The following HS3ST5 variants were observed in gnomAD, a reference collection of about 807,000 sequenced individuals.
The protein encoded by HS3ST5 is heparan sulfate glucosamine 3-O-sulfotransferase 5.
A neutral mutation model predicts 25.4 loss-of-function variants in HS3ST5; 10 were observed. The ratio of observed to expected loss-of-function variants is 0.39; its 90% CI spans 0.24 to 0.67. The LOEUF is 0.67. HS3ST5 is among the 30% of genes least tolerant of loss of function. The pLI is 0.44. For synonymous variants in HS3ST5, 170 were observed against 162.4 expected (o/e 1.05, Z -0.36); for missense variants, 324 against 420.7 (o/e 0.77, Z 2.01).
At chr6:114,100,388 T>C (rs966196294) in intron 3 of HS3ST5, among the ~76,000 whole-genome samples, 2 of 152,162 alleles carry the variant, frequency 1.3e-5, no homozygotes, top group African/African-American at 2.4e-5. Flanking sequence ...ATTTCACTCA[T>C]AGACGAGCAG....
At chr6:114,097,233 G>T (rs1021663923) in intron 3 of HS3ST5, among the ~76,000 whole-genome samples, 1 of 151,722 alleles carries the variant, frequency 6.6e-6, no homozygotes, top group Non-Finnish European at 1.5e-5. Flanking sequence ...AGAATATACA[G>T]AATAAAGCTT....
intron 3 of HS3ST5, among the ~76,000 whole-genome samples, chr6:114,073,821 A>C (rs1468597518): frequency 1.3e-5 from 2 of 152,256 alleles, no homozygotes; most frequent in Non-Finnish European, 2.9e-5. Flanking sequence ...ATTATAAATC[A>C]TGCTACTATA....
intron 3 of HS3ST5, among the ~76,000 whole-genome samples, chr6:114,161,567 ATATATAT>A (rs1396340098): frequency 2.9e-5 from 3 of 103,550 alleles, no homozygotes; most frequent in Non-Finnish European, 4.0e-5. Flanking sequence ...ATATATATAT[ATATATAT>A]AAAATGCAAT....
intron 4 of HS3ST5, 30 bp downstream of exon 4, chr6:114,062,708 AG>A (rs769366331): frequency 8.0e-6 from 11 of 1,367,298 alleles, no homozygotes; most frequent in African/African-American, 2.9e-5. Flanking sequence ...TTAATGTCAC[AG>A]GGGTATAAGC....
intron 3 of HS3ST5, among the ~76,000 whole-genome samples, chr6:114,083,582 T>C (rs1774590249): frequency 6.6e-6 from 1 of 152,234 alleles, no homozygotes; most frequent in African/African-American, 2.4e-5. Context: ...ATTCATACTT[T>C]GAAAGCAATC....
chr6:114,180,507 G>C (rs144960205), intron 2 of HS3ST5, among the ~76,000 whole-genome samples: 10 of 152,192 alleles, frequency 6.6e-5, no homozygotes, highest in South Asian at 2.1e-4. Flanking sequence ...TGGTAGCTAG[G>C]GGCTCTCAGG....
chr6:114,267,282 C>T (rs1333092663), intron 1 of HS3ST5, among the ~76,000 whole-genome samples: 1 of 152,198 alleles, frequency 6.6e-6, no homozygotes, highest in Non-Finnish European at 1.5e-5. Flanking sequence ...TAAAGGGGAT[C>T]AATTTCCACT....
At chr6:114,250,391 C>T (rs1044439105) in intron 1 of HS3ST5, among the ~76,000 whole-genome samples, 9 of 152,094 alleles carry the variant, frequency 5.9e-5, no homozygotes, top group Non-Finnish European at 1.3e-4. Flanking sequence ...ACCATCCTGG[C>T]TAACACGGTG....
chr6:114,080,346 CAT>C (rs753093513), intron 3 of HS3ST5, among the ~76,000 whole-genome samples: 17 of 152,280 alleles, frequency 1.1e-4, no homozygotes, highest in Non-Finnish European at 2.1e-4. Flanking sequence ...GATATTTACA[CAT>C]ATGTTTAAAA....
chr6:114,138,959 C>T (rs1251835766), intron 3 of HS3ST5, among the ~76,000 whole-genome samples: 1 of 152,174 alleles, frequency 6.6e-6, no homozygotes, highest in Admixed American at 6.5e-5. Flanking sequence ...TTTTGTAAAG[C>T]TACAGATCCC....
intron 1 of HS3ST5, among the ~76,000 whole-genome samples, chr6:114,325,610 T>A (rs572765269): frequency 4.3e-4 from 66 of 152,282 alleles, no homozygotes; most frequent in African/African-American, 1.6e-3. Context: ...TAAACTAGTG[T>A]TTCTCCAACT....
intron 2 of HS3ST5, among the ~76,000 whole-genome samples, chr6:114,214,227 G>C (rs1172378838): frequency 1.3e-5 from 2 of 152,196 alleles, no homozygotes; most frequent in Non-Finnish European, 2.9e-5. Context: ...CAGAGTTCCT[G>C]TTATACCCTT....
intron 2 of HS3ST5, among the ~76,000 whole-genome samples, chr6:114,177,632 T>C (rs1435509463): frequency 1.3e-5 from 2 of 152,250 alleles, no homozygotes; most frequent in African/African-American, 4.8e-5. Context: ...CTGAGGTCTT[T>C]ATTCTGAAAT....
At chr6:114,066,352 T>G (rs1224101750) in intron 3 of HS3ST5, among the ~76,000 whole-genome samples, 2 of 152,212 alleles carry the variant, frequency 1.3e-5, no homozygotes, top group Non-Finnish European at 2.9e-5. Flanking sequence ...GCATTAATCT[T>G]GTATTTATAA....
intron 3 of HS3ST5, among the ~76,000 whole-genome samples, chr6:114,081,025 G>T (rs1774425350): frequency 6.6e-6 from 1 of 152,128 alleles, no homozygotes; most frequent in Non-Finnish European, 1.5e-5. Flanking sequence ...ACTATTAACT[G>T]GTCTGCTTGC....
chr6:114,084,658 A>T (rs963924041), intron 3 of HS3ST5: 3 of 1,094,392 alleles, frequency 2.7e-6, no homozygotes, highest in East Asian at 2.3e-5. Flanking sequence ...TGAGAGGCTG[A>T]TGGTCAGCCC....
At chr6:114,065,675 C>G (rs1562181626) in intron 3 of HS3ST5, among the ~76,000 whole-genome samples, 1 of 152,176 alleles carries the variant, frequency 6.6e-6, no homozygotes, top group Non-Finnish European at 1.5e-5. Context: ...CTTAGCATGA[C>G]TGAATTTAGT....
At chr6:114,151,772 A>G (rs1455896670) in intron 3 of HS3ST5, among the ~76,000 whole-genome samples, 1 of 152,214 alleles carries the variant, frequency 6.6e-6, no homozygotes, top group African/African-American at 2.4e-5. Context: ...TTATATCAAC[A>G]CTTCACAAGC....
intron 3 of HS3ST5, among the ~76,000 whole-genome samples, chr6:114,100,217 C>A (rs1375361792): frequency 6.8e-6 from 1 of 146,424 alleles, no homozygotes; most frequent in Non-Finnish European, 1.5e-5. Flanking sequence ...TGAGCTCACA[C>A]CCTTCCCCAC....
Sources: gnomAD v4.1 joint callset for allele counts (sites outside exome capture counted in the v4.1 genomes callset) on GRCh38, gnomAD v4.1.1 for gene constraint, MANE v1.5 for transcripts, NCBI Gene and HGNC (gene_info 2026-07-23, HGNC 2026-07-21) for gene names.